Variants in AKAP7 observed in about 807,000 individuals in gnomAD.
AKAP7 encodes the protein A-kinase anchoring protein 7.
A neutral mutation model predicts 39.5 loss-of-function variants in AKAP7; 39 were observed. The observed-to-expected ratio is 0.99, with a 90% CI of 0.76 to 1.29. The LOEUF (loss-of-function observed/expected upper bound fraction) is 1.29. Ranked by LOEUF, AKAP7 falls within the 50% of genes most tolerant of loss-of-function variation. The pLI is 0.00. For synonymous variants in AKAP7, 140 were observed against 139.1 expected (o/e 1.01, Z -0.05); for missense variants, 414 against 407.7 (o/e 1.02, Z -0.13).
chr6:131,252,953 T>C, intron 7 of AKAP7: 1 of 1,405,210 alleles, frequency 7.1e-7, no homozygotes, highest in Non-Finnish European at 1.0e-6. Flanking sequence ...AGAATGTTCC[T>C]CCTTGAAGGT....
intron 1 of AKAP7, among the ~76,000 whole-genome samples, chr6:131,140,576 G>C (rs1479118799): frequency 4.6e-5 from 7 of 152,148 alleles, no homozygotes; most frequent in Non-Finnish European, 1.0e-4. Context: ...AGTAGCACAA[G>C]AACTTGGAAG....
intron 2 of AKAP7, among the ~76,000 whole-genome samples, chr6:131,157,656 G>A (rs1334401536): frequency 6.6e-6 from 1 of 152,150 alleles, no homozygotes; most frequent in Non-Finnish European, 1.5e-5. Context: ...CATCATGAAT[G>A]AGACAATTCA....
At chr6:131,231,202 G>T (rs1810595321) in intron 7 of AKAP7, among the ~76,000 whole-genome samples, 1 of 151,778 alleles carries the variant, frequency 6.6e-6, no homozygotes, top group Non-Finnish European at 1.5e-5. Context: ...ATTTCCATTT[G>T]AGCATTATGT....
intron 7 of AKAP7, among the ~76,000 whole-genome samples, chr6:131,227,899 TGCTA>T (rs1810314625): frequency 6.6e-6 from 1 of 152,194 alleles, no homozygotes; most frequent in Non-Finnish European, 1.5e-5. Flanking sequence ...TTAAAAGGCT[TGCTA>T]GTCTTAAAAG....
chr6:131,162,097 C>T (rs1214665250), intron 3 of AKAP7, among the ~76,000 whole-genome samples: 1 of 152,206 alleles, frequency 6.6e-6, no homozygotes, highest in Admixed American at 6.5e-5. Context: ...ACCCCCATGT[C>T]TGCCCTCTCT....
At chr6:131,269,898 A>G (rs1475082628) in intron 7 of AKAP7, among the ~76,000 whole-genome samples, 1 of 152,166 alleles carries the variant, frequency 6.6e-6, no homozygotes, top group Non-Finnish European at 1.5e-5. Flanking sequence ...CAGCTGTGAG[A>G]GATTACAGAT....
Position 131,269,588 on chromosome 6 carries a change from A to G in AKAP7, c.851-11942A>G, listed in dbSNP as rs141947113. ...CAAACAAGACAAGGCAAAACCAGTC[A>G]GCAAAACAAACTGCCATGAGCACAG... On this transcript the variant is annotated intron_variant, in intron 7 of 7. Transcript: ENST00000431975. Among the ~76,000 whole-genome samples the G allele has an allele frequency of 3.4e-3, 512 of 152,336 alleles. 6 individuals carry two copies. Among genetic ancestry groups the G allele is most frequent in the African/African-American group, 0.012 (482 of 41,576 alleles).
chr6:131,241,613 GTGTGTGTGTGTGTGTA>G (rs1412296632), intron 7 of AKAP7, among the ~76,000 whole-genome samples: 28 of 102,440 alleles, frequency 2.7e-4, no homozygotes, highest in South Asian at 2.0e-3. Context: ...GTGTGTGTGT[GTGTGTGTGTGTGTGTA>G]TATATATATG....
intron 6 of AKAP7, among the ~76,000 whole-genome samples, chr6:131,209,195 T>C (rs1808414569): frequency 6.6e-6 from 1 of 152,114 alleles, no homozygotes; most frequent in Admixed American, 6.6e-5. Context: ...GTTAAACATA[T>C]AGATTCTGTG....
At chr6:131,198,222 T>C (rs1035165243) in intron 5 of AKAP7, among the ~76,000 whole-genome samples, 1 of 152,152 alleles carries the variant, frequency 6.6e-6, no homozygotes, top group Non-Finnish European at 1.5e-5. Context: ...ATTTTGAACA[T>C]AGGACATACA....
intron 2 of AKAP7, among the ~76,000 whole-genome samples, chr6:131,150,569 T>C (rs1334591029): frequency 6.6e-6 from 1 of 152,194 alleles, no homozygotes; most frequent in Non-Finnish European, 1.5e-5. Flanking sequence ...AAGGCAAATA[T>C]CTGCCCCAAA....
intron 5 of AKAP7, among the ~76,000 whole-genome samples, chr6:131,195,134 T>A (rs796102439): frequency 3.9e-4 from 60 of 152,272 alleles, no homozygotes; most frequent in African/African-American, 1.3e-3. Flanking sequence ...TGCCTTTTTT[T>A]TAGTGAGGGT....
intron 6 of AKAP7, 24 bp downstream of exon 6, chr6:131,199,597 G>T (rs191862541): frequency 1.3e-6 from 2 of 1,538,254 alleles, no homozygotes; most frequent in East Asian, 4.5e-5. Context: ...CTTATTGCAA[G>T]CCTGTTTTAC....
At chr6:131,160,942 C>T (rs575491704) in intron 3 of AKAP7, among the ~76,000 whole-genome samples, 3 of 152,098 alleles carry the variant, frequency 2.0e-5, no homozygotes, top group Middle Eastern at 6.8e-3. Context: ...AATTAAAATC[C>T]CTCAGGAAAG....
intron 6 of AKAP7, among the ~76,000 whole-genome samples, chr6:131,215,992 C>T (rs1399511980): frequency 6.6e-6 from 1 of 152,146 alleles, no homozygotes; most frequent in Non-Finnish European, 1.5e-5. Flanking sequence ...GAATGCCAAG[C>T]TTACTATCAG....
upstream of AKAP7, among the ~76,000 whole-genome samples, chr6:131,134,463 T>G (rs1451565679): frequency 6.6e-6 from 1 of 152,216 alleles, no homozygotes; most frequent in Non-Finnish European, 1.5e-5. Context: ...TCACTATGAA[T>G]GTGGACCACA....
At chr6:131,241,599 G>GTATGTGTGTGTGTGTATACGTATATA (rs1367046182) in intron 7 of AKAP7, among the ~76,000 whole-genome samples, 6 of 74,170 alleles carry the variant, frequency 8.1e-5, no homozygotes, top group Non-Finnish European at 1.6e-4. Context: ...GTGTGTGTGT[G>GTATGTGTGTGTGTGTATACGTATATA]TGTGTGTGTG....
chr6:131,177,254 A>G (rs995407493), intron 5 of AKAP7, among the ~76,000 whole-genome samples: 1 of 152,178 alleles, frequency 6.6e-6, no homozygotes, highest in African/African-American at 2.4e-5. Flanking sequence ...GAGGCTGGGT[A>G]ATTTATGAAG....
chr6:131,278,150 G>T (rs1814899261), intron 7 of AKAP7, among the ~76,000 whole-genome samples: 1 of 152,172 alleles, frequency 6.6e-6, no homozygotes. Flanking sequence ...CTCTTATTGT[G>T]ATGAATAATT....
Sources: gnomAD v4.1 joint callset for allele counts (sites outside exome capture counted in the v4.1 genomes callset) on GRCh38, gnomAD v4.1.1 for gene constraint, MANE v1.5 for transcripts, NCBI Gene and HGNC (gene_info 2026-07-23, HGNC 2026-07-21) for gene names.